HIBADH: variants seen among roughly 807,000 people sequenced by gnomAD.
HIBADH encodes the protein 3-hydroxyisobutyrate dehydrogenase, mitochondrial.
A neutral mutation model predicts 36.1 loss-of-function variants in HIBADH; 25 were observed. That is an observed-to-expected ratio of 0.69 (90% confidence interval 0.50 to 0.97). HIBADH has a LOEUF of 0.97. HIBADH is among the 50% of genes least tolerant of loss of function. The pLI is 0.00. For missense variants in HIBADH, 421 were observed against 418.0 expected, an observed-to-expected ratio of 1.01 and a Z score of -0.06; for synonymous variants, 160 against 149.5, an observed-to-expected ratio of 1.07 and a Z score of -0.51.
chr7:27,578,324 T>A (rs1256702988), intron 4 of HIBADH, among the ~76,000 whole-genome samples: 1 of 150,352 alleles, frequency 6.7e-6, no homozygotes, highest in Non-Finnish European at 1.5e-5. Context: ...TGTTTAGATT[T>A]TTTTTTTTTT....
intron 4 of HIBADH, among the ~76,000 whole-genome samples, chr7:27,613,668 T>TTTG (rs1554299064): frequency 4.1e-5 from 6 of 145,868 alleles, no homozygotes; most frequent in Admixed American, 3.4e-4. Flanking sequence ...TTTTTTTGTT[T>TTTG]TTTTTTTTTG....
At chr7:27,657,447 G>A (rs902571975) in intron 1 of HIBADH, among the ~76,000 whole-genome samples, 30 of 152,058 alleles carry the variant, frequency 2.0e-4, no homozygotes, top group Non-Finnish European at 3.7e-4. Context: ...TCACAGAGGA[G>A]GTTAAATCAA....
intron 4 of HIBADH, among the ~76,000 whole-genome samples, chr7:27,605,887 C>G (rs1261702209): frequency 6.6e-6 from 1 of 152,076 alleles, no homozygotes; most frequent in Non-Finnish European, 1.5e-5. Flanking sequence ...CCTGGTGGCA[C>G]AGATAAATTC....
At chr7:27,567,330 T>A (rs1784560080) in intron 4 of HIBADH, among the ~76,000 whole-genome samples, 1 of 152,192 alleles carries the variant, frequency 6.6e-6, no homozygotes, top group African/African-American at 2.4e-5. Context: ...TGACTAGTAT[T>A]TACATGGTAT....
intron 3 of HIBADH, among the ~76,000 whole-genome samples, chr7:27,630,972 A>T (rs1785736929): frequency 6.6e-6 from 1 of 152,162 alleles, no homozygotes; most frequent in Admixed American, 6.6e-5. Context: ...CATCCCAAAA[A>T]TTATACATGC....
At chr7:27,607,261 CT>C (rs5883092) in intron 4 of HIBADH, among the ~76,000 whole-genome samples, 115,396 of 152,142 alleles carry the variant, frequency 0.76, 44,196 homozygotes, top group East Asian at 0.94. Context: ...AATCCCGACA[CT>C]TTTGAGAGAC....
chr7:27,653,551 T>C (rs978866107), intron 1 of HIBADH, among the ~76,000 whole-genome samples: 2 of 151,934 alleles, frequency 1.3e-5, no homozygotes, highest in Admixed American at 6.6e-5. Flanking sequence ...GTGGCTAACA[T>C]GGTGAAACCC....
chr7:27,601,599 G>A (rs1170087512), intron 4 of HIBADH, among the ~76,000 whole-genome samples: 1 of 151,996 alleles, frequency 6.6e-6, no homozygotes, highest in Non-Finnish European at 1.5e-5. Flanking sequence ...GGTAATGTTG[G>A]AAAATAAAAA....
intron 7 of HIBADH, among the ~76,000 whole-genome samples, chr7:27,530,426 C>T (rs2391437): frequency 0.17 from 26,422 of 151,968 alleles, 2,855 homozygotes; most frequent in East Asian, 0.45. Context: ...AGGCTGGTCT[C>T]GAACTCCTGA....
chr7:27,591,014 A>T (rs1360641722), intron 4 of HIBADH, among the ~76,000 whole-genome samples: 2 of 152,152 alleles, frequency 1.3e-5, no homozygotes, highest in African/African-American at 4.8e-5. Context: ...TTCTTTTTAT[A>T]AGGAACTTAA....
intron 4 of HIBADH, among the ~76,000 whole-genome samples, chr7:27,619,656 T>G (rs1369353875): frequency 6.6e-6 from 1 of 152,030 alleles, no homozygotes; most frequent in Non-Finnish European, 1.5e-5. Flanking sequence ...ACTAAAGAAC[T>G]TATTGGAGGA....
chr7:27,562,862 A>G (rs1784487463), intron 4 of HIBADH, among the ~76,000 whole-genome samples: 2 of 152,136 alleles, frequency 1.3e-5, no homozygotes, highest in African/African-American at 4.8e-5. Flanking sequence ...GTTAAATTTT[A>G]TCAGTCTTTG....
intron 1 of HIBADH, among the ~76,000 whole-genome samples, chr7:27,655,335 T>C (rs1786279363): frequency 6.6e-6 from 1 of 152,246 alleles, no homozygotes; most frequent in African/African-American, 2.4e-5. Context: ...CATAGGAGAA[T>C]ATCCTCATTC....
At position 27,599,807 on chromosome 7, in the gene HIBADH, A is replaced by G. The variant is rs1206428482; in HGVS notation, c.484+29564T>C. ...TTTTTAAGGGAAGTTTTTTTTCTTCAAAAAAGGTTTGCATGGAAAATTGTA... is the reference window on the plus strand; with the variant it reads ...TTTTTAAGGGAAGTTTTTTTTCTTCGAAAAAGGTTTGCATGGAAAATTGTA... On this transcript the variant is annotated intron_variant, in intron 4 of 7. Transcript: ENST00000265395. Among the ~76,000 whole-genome samples, 11 of 151,876 alleles carry G rather than the reference A, an allele frequency of 7.2e-5. No homozygotes were observed. The South Asian group carries it at 2.3e-3, about 32-fold the overall frequency.
At chr7:27,565,897 TCATA>T (rs1369700106) in intron 4 of HIBADH, among the ~76,000 whole-genome samples, 12 of 152,174 alleles carry the variant, frequency 7.9e-5, no homozygotes, top group African/African-American at 2.7e-4. Flanking sequence ...CATCTATATG[TCATA>T]CATACATTAT....
chr7:27,557,499 T>C (rs1784409888), intron 4 of HIBADH, among the ~76,000 whole-genome samples: 1 of 152,310 alleles, frequency 6.6e-6, no homozygotes. Flanking sequence ...GGGAAATTTA[T>C]AAAGAGCAGA....
intron 4 of HIBADH, among the ~76,000 whole-genome samples, chr7:27,599,680 CAAA>C (rs3072889): frequency 4.9e-5 from 2 of 41,086 alleles, no homozygotes; most frequent in Non-Finnish European, 8.0e-5. Context: ...ACTCTGTCTC[CAAA>C]AAAAAAAAAA....
intron 4 of HIBADH, among the ~76,000 whole-genome samples, chr7:27,577,705 A>G (rs1320434804): frequency 6.6e-6 from 1 of 152,182 alleles, no homozygotes; most frequent in Non-Finnish European, 1.5e-5. Flanking sequence ...AAATCAGTCA[A>G]GATAATCATC....
At chr7:27,645,382 T>TTTTTTTTTTTTTGTTTTTG (rs1786048796) in intron 2 of HIBADH, among the ~76,000 whole-genome samples, 12 of 129,068 alleles carry the variant, frequency 9.3e-5, no homozygotes, top group African/African-American at 3.8e-4. Context: ...TTTTTTTTTT[T>TTTTTTTTTTTTTGTTTTTG]TTTTTTTTTT....
Sources: allele counts gnomAD v4.1 joint callset (sites outside exome capture counted in the v4.1 genomes callset), GRCh38; gene constraint gnomAD v4.1.1; transcripts MANE v1.5; gene names NCBI Gene and HGNC (gene_info 2026-07-23, HGNC 2026-07-21).